PCM1: variants seen among roughly 807,000 people sequenced by gnomAD.
PCM1 encodes the protein pericentriolar material 1.
A neutral mutation model predicts 241.9 loss-of-function variants in PCM1; 157 were observed. The ratio of observed to expected loss-of-function variants is 0.65; its 90% CI spans 0.57 to 0.74. The LOEUF (loss-of-function observed/expected upper bound fraction) is 0.74. Among genes scored for constraint, PCM1 ranks in the 30% least tolerant of loss-of-function variants. The pLI, the probability that PCM1 is intolerant of heterozygous loss-of-function variation, is 0.00. For missense variants in PCM1, 3,478 were observed against 2,360.1 expected (o/e 1.47, Z -9.81); for synonymous variants, 1,085 against 784.9 (o/e 1.38, Z -6.39).
At chr8:17,930,596 T>C (rs2058680440) in intron 2 of PCM1, among the ~76,000 whole-genome samples, 3 of 151,332 alleles carry the variant, frequency 2.0e-5, no homozygotes, top group African/African-American at 7.3e-5. Context: ...GTTGTGAATG[T>C]GGCCGGGTGC....
chr8:17,984,561 C>T (rs2081988075), intron 24 of PCM1, among the ~76,000 whole-genome samples: 1 of 151,702 alleles, frequency 6.6e-6, no homozygotes, highest in Non-Finnish European at 1.5e-5. Context: ...AAATTGAGAC[C>T]TGAAGATATT....
At chr8:17,924,415 G>C (rs950800132) in intron 1 of PCM1, among the ~76,000 whole-genome samples, 1 of 152,104 alleles carries the variant, frequency 6.6e-6, no homozygotes, top group African/African-American at 2.4e-5. Flanking sequence ...AGTAAACTTT[G>C]GCATAGACTA....
rs1334727881 is a variant in PCM1, at chr8:18,027,719, A to T, written c.*57A>T. 14 of 1,241,192 alleles carry T rather than the reference A, an allele frequency of 1.1e-5. No homozygotes were observed. The East Asian group carries it at 3.3e-4, about 29-fold the overall frequency. The allele number at this position is 1,241,192 out of a possible 1,614,324, so 76.9% of individuals were successfully genotyped here. On this transcript the variant is annotated 3_prime_UTR_variant, in exon 39 of 39. Coordinates refer to ENST00000325083, the MANE Select transcript of PCM1 (RefSeq NM_006197.4). ...TTACATACTCAATGCATATATGAAA[A>T]CAATACTAAATAAACATCTGATCTG... is the stretch of plus-strand genomic sequence containing the variant.
rs1348076488 is a variant in PCM1 at position 18,006,294 on chromosome 8, T to C, written c.4859T>C (p.Leu1620Pro). Residue 1620 changes from leucine (L) to proline (P), a missense_variant, in exon 30 of 39, where the codon CTT becomes CCT. Physicochemically the swap from Leu to Pro is moderately conservative, Grantham distance 98. Transcript: ENST00000325083. ...ATGGATGAAGTATGCTCCTCGCAGC[T>C]TCTAACTTCAGTAAGGCGCATGGTT... ...EHMDEVCSSQLLTSVRRMVLT... is the reference protein window; with the variant it reads ...EHMDEVCSSQPLTSVRRMVLT... 1.2e-6 allele frequency: 2 copies of C among 1,611,880 alleles called. No individual in the cohort carries two copies. The highest frequency in any genetic ancestry group is 2.2e-5 in the East Asian group (1 of 44,854).
intron 32 of PCM1, among the ~76,000 whole-genome samples, chr8:18,010,927 C>G (rs1272386001): frequency 6.6e-6 from 1 of 152,170 alleles, no homozygotes; most frequent in Non-Finnish European, 1.5e-5. Flanking sequence ...GAGCCGAGAT[C>G]ATGCCACTGC....
rs1266460035 is a variant in PCM1 at position 17,923,086 on chromosome 8, G to C, written c.-193G>C. On this transcript the variant is annotated 5_prime_UTR_variant, in exon 1 of 39. Transcript: ENST00000325083. ...GGGCCGAGGCAGCCAGGAAACGTGTGGGCCTCTCTGCTGCGGTCTCCGAGG... is the reference window on the plus strand; with the variant it reads ...GGGCCGAGGCAGCCAGGAAACGTGTCGGCCTCTCTGCTGCGGTCTCCGAGG... 1 of 152,634 alleles carries C rather than the reference G, an allele frequency of 6.6e-6. No homozygotes were observed. The highest frequency in any genetic ancestry group is 2.4e-5 in the African/African-American group (1 of 41,476). The allele number at this position is 152,634 out of a possible 1,614,324, so 9.5% of individuals were successfully genotyped here. A position where few individuals can be genotyped will look rare whatever the true frequency, so the allele number is the denominator to read the frequency against.
At chr8:17,946,504 CTTT>C (rs2063816933) in intron 6 of PCM1, among the ~76,000 whole-genome samples, 2 of 136,266 alleles carry the variant, frequency 1.5e-5, no homozygotes, top group Admixed American at 1.4e-4. Flanking sequence ...TTCCTTTTTT[CTTT>C]TTTCTTTGAG....
At chr8:17,988,007 AC>A (rs1397898270) in intron 26 of PCM1, among the ~76,000 whole-genome samples, 1 of 151,698 alleles carries the variant, frequency 6.6e-6, no homozygotes, top group Non-Finnish European at 1.5e-5. Flanking sequence ...TGTAAGAGAT[AC>A]CTCTCTTGCC....
At chr8:17,969,148 A>C (rs1005302787) in intron 21 of PCM1, among the ~76,000 whole-genome samples, 3 of 152,192 alleles carry the variant, frequency 2.0e-5, no homozygotes, top group African/African-American at 7.2e-5. Flanking sequence ...CGTAGGAGTC[A>C]TACAGACCTG....
rs192866308 is a variant in PCM1, at chr8:17,968,803, A to G, written c.3413-774A>G. 2.2e-3 allele frequency among the ~76,000 whole-genome samples: 331 copies of G among 150,320 alleles called. 2 individuals carry two copies. Among genetic ancestry groups the G allele is most frequent in the African/African-American group, 7.9e-3 (323 of 40,670 alleles). On this transcript the variant is annotated intron_variant, in intron 21 of 38. Coordinates refer to ENST00000325083, the MANE Select transcript of PCM1 (RefSeq NM_006197.4). ...ACACACCACAGTGTTTTTTCTTTAT[A>G]GGATTTTCAAGACAGTGGCATAAAA...
At position 17,966,027 on chromosome 8, in the gene PCM1, G is replaced by C. The variant is rs1563998925; in HGVS notation, c.2884G>C (p.Asp962His). 6.2e-7 allele frequency: 1 copy of C among 1,611,030 alleles called. No individual in the cohort carries two copies. Among genetic ancestry groups the C allele is most frequent in the East Asian group, 2.2e-5 (1 of 44,844 alleles). The change falls in exon 19 of 39, where the codon GAT (aspartate) becomes CAT (histidine). Residue 962 changes from aspartate (D) to histidine (H), a missense_variant. Transcript: ENST00000325083. The stretch of plus-strand genomic sequence containing the variant: ...GAAGAACAATTGCCCTTTTTCGGCA[G>C]ATGAAAATTATCGTCCTTTAGCCAA... ...RWKNNCPFSA[D>H]ENYRPLAKTR...
intron 20 of PCM1, 24 bp from the exon 21 acceptor site, chr8:17,966,956 G>C (rs1261160320): frequency 9.6e-6 from 15 of 1,570,156 alleles, no homozygotes; most frequent in Non-Finnish European, 1.2e-5. Flanking sequence ...CTGATTCTTA[G>C]ATTACTGACT....
chr8:17,937,625 C>G (rs548845388), intron 4 of PCM1, among the ~76,000 whole-genome samples: 1 of 152,062 alleles, frequency 6.6e-6, no homozygotes, highest in Non-Finnish European at 1.5e-5. Flanking sequence ...ATGACTAACT[C>G]AAGTGATTTT....
At chr8:18,000,977 T>A (rs1304993919) in intron 29 of PCM1, among the ~76,000 whole-genome samples, 1 of 152,242 alleles carries the variant, frequency 6.6e-6, no homozygotes, top group Admixed American at 6.5e-5. Flanking sequence ...AGTAGTCATT[T>A]GGTTACTCAG....
intron 36 of PCM1, 93 bp from the exon 37 acceptor site, chr8:18,025,268 G>A (rs1176438770): frequency 2.9e-6 from 2 of 679,762 alleles, no homozygotes; most frequent in African/African-American, 1.8e-5. Flanking sequence ...AACGAAATGT[G>A]ATAGAATTAC....
rs766459601 is a variant in PCM1, at chr8:17,972,393, G to A, written c.3649G>A (p.Gly1217Ser). Residue 1217 changes from glycine to serine, a missense_variant, in exon 23 of 39, where the codon GGT becomes AGT. By Grantham distance (56) the Gly-to-Ser change is moderately conservative. Coordinates refer to ENST00000325083, the MANE Select transcript of PCM1 (RefSeq NM_006197.4). The part of the protein sequence containing the change: ...SRTPWLYEQE[G>S]EVEKPFIKTG... The stretch of plus-strand genomic sequence containing the variant: ...GACACCATGGTTATATGAACAAGAA[G>A]GTGAAGTAGAGAAACCATTTATCAA... 1.2e-6 allele frequency: 2 copies of A among 1,602,086 alleles called. No homozygotes were observed. The highest frequency in any genetic ancestry group is 4.5e-5 in the East Asian group (2 of 44,690).
chr8:18,026,108 G>T (rs2094175407), intron 38 of PCM1, among the ~76,000 whole-genome samples: 1 of 119,826 alleles, frequency 8.3e-6, no homozygotes, highest in East Asian at 2.8e-4. Flanking sequence ...GGCTTGCGGT[G>T]AGCTGAGATA....
chr8:17,960,650 G>C (rs531854443), intron 15 of PCM1, among the ~76,000 whole-genome samples: 2 of 149,760 alleles, frequency 1.3e-5, no homozygotes, highest in Non-Finnish European at 3.0e-5. Context: ...TCAGCCTCCT[G>C]AGTAGCTGGG....
chr8:17,947,277 A>T lies in PCM1; in HGVS notation c.875A>T (p.Gln292Leu), dbSNP rs747078291. Residue 292 changes from glutamine (Q) to leucine (L), a missense_variant, in exon 7 of 39, where the codon CAA (glutamine) becomes CTA (leucine). By Grantham distance (113) the Gln-to-Leu change is moderately radical. Transcript: ENST00000325083. ...AAAAGAATGTTACAACAGCAGGAGC[A>T]ACTAAGAGCTCTACAGGGACGGCAG... ...LLKRMLQQQE[Q>L]LRALQGRQAA... 12 of 1,612,246 alleles carry T rather than the reference A, an allele frequency of 7.4e-6. No individual in the cohort carries two copies. Among genetic ancestry groups the T allele is most frequent in the Non-Finnish European group, 7.6e-6 (9 of 1,178,418 alleles).
Sources: gnomAD v4.1 joint callset for allele counts (sites outside exome capture counted in the v4.1 genomes callset) on GRCh38, gnomAD v4.1.1 for gene constraint, MANE v1.5 for transcripts, NCBI Gene and HGNC (gene_info 2026-07-23, HGNC 2026-07-21) for gene names.